Variants in PAX3 observed in about 807,000 individuals in gnomAD.
PAX3 encodes the protein paired box 3.
Under a neutral mutation model 51.6 loss-of-function variants are expected in PAX3, and 14 were observed. The observed-to-expected ratio is 0.27, with a 90% confidence interval of 0.18 to 0.42. PAX3 has a LOEUF of 0.42. Among genes scored for constraint, PAX3 ranks in the 10% least tolerant of loss-of-function variants. The pLI, the probability that PAX3 is intolerant of heterozygous loss-of-function variation, is 1.00. For synonymous variants in PAX3, 280 were observed against 253.4 expected (o/e 1.11, Z -1.00); for missense variants, 540 against 642.8 (o/e 0.84, Z 1.73).
chr2:222,226,222 G>A (rs867007984), intron 5 of PAX3, among the ~76,000 whole-genome samples: 2 of 152,184 alleles, frequency 1.3e-5, no homozygotes, highest in African/African-American at 2.4e-5. Flanking sequence ...TCAGGATGTC[G>A]AATGCTGACA....
At chr2:222,264,795 T>A (rs1693985225) in intron 4 of PAX3, 1 of 152,236 alleles carries the variant, frequency 6.6e-6, no homozygotes, top group African/African-American at 2.4e-5. Context: ...CTCGCAGCTT[T>A]TGCCTTTGAA....
intron 4 of PAX3, among the ~76,000 whole-genome samples, chr2:222,236,583 A>C (rs1208775395): frequency 6.6e-6 from 1 of 152,230 alleles, no homozygotes; most frequent in Non-Finnish European, 1.5e-5. Flanking sequence ...GCTTTCTTTC[A>C]GGAAGCTTAA....
At chr2:222,212,471 C>T (rs1047840251) in intron 7 of PAX3, among the ~76,000 whole-genome samples, 3 of 152,142 alleles carry the variant, frequency 2.0e-5, no homozygotes, top group African/African-American at 7.2e-5. Flanking sequence ...CATTGATCAG[C>T]AGAGGTGCAA....
Position 222,289,300 on chromosome 2 carries a change from T to C in PAX3, c.586+4867A>G, listed in dbSNP as rs1301583499. Among the ~76,000 whole-genome samples the C allele has an allele frequency of 4.6e-5, 7 of 152,232 alleles. No individual in the cohort carries two copies. In the East Asian group the frequency reaches 1.3e-3, roughly 29 times the overall value. On this transcript the variant is annotated intron_variant, in intron 4 of 8. Transcript: ENST00000392070. ...CTTTTCATTTTCATTGGCCATCTACTTATGTACAACTTAAACATTTAGTCT... is the reference window on the plus strand; with the variant it reads ...CTTTTCATTTTCATTGGCCATCTACCTATGTACAACTTAAACATTTAGTCT...
intron 5 of PAX3, among the ~76,000 whole-genome samples, chr2:222,228,551 A>T (rs183305753): frequency 1.3e-5 from 2 of 152,278 alleles, no homozygotes; most frequent in East Asian, 3.9e-4. Context: ...AACACTCCTC[A>T]GTTTTCCATC....
At chr2:222,227,976 T>TG (rs777578766) in intron 5 of PAX3, among the ~76,000 whole-genome samples, 31 of 152,240 alleles carry the variant, frequency 2.0e-4, no homozygotes, top group South Asian at 1.0e-3. Context: ...ATTTGGGGTT[T>TG]GGGGGGTGTT....
intron 4 of PAX3, among the ~76,000 whole-genome samples, chr2:222,268,502 CTA>C (rs1044749102): frequency 2.3e-4 from 35 of 152,174 alleles, no homozygotes; most frequent in African/African-American, 8.2e-4. Flanking sequence ...CTCGCTGTGG[CTA>C]TGCGGTTACC....
intron 4 of PAX3, among the ~76,000 whole-genome samples, chr2:222,259,261 C>G (rs137999586): frequency 6.6e-6 from 1 of 152,176 alleles, no homozygotes; most frequent in Non-Finnish European, 1.5e-5. Flanking sequence ...CAGAACATCA[C>G]TGTTTGAATA....
chr2:222,283,659 G>C (rs1694725195), intron 4 of PAX3, among the ~76,000 whole-genome samples: 2 of 152,184 alleles, frequency 1.3e-5, no homozygotes, highest in Non-Finnish European at 2.9e-5. Context: ...GCCTTCAGGG[G>C]GCCAGGACTG....
Position 222,277,579 on chromosome 2 carries a change from G to A in PAX3, c.586+16588C>T, listed in dbSNP as rs181008729. ...CAAGCTTGTTCAACCCGTGGCTCAC[G>A]GGCCATATGCAGCCCTGGATGCTTT... On this transcript the variant is annotated intron_variant, in intron 4 of 8. Coordinates refer to ENST00000392070, the MANE Select transcript of PAX3 (RefSeq NM_181458.4). Among the ~76,000 whole-genome samples the A allele has an allele frequency of 1.9e-3, 294 of 152,208 alleles. 5 individuals carry two copies. The highest frequency in any genetic ancestry group is 2.4e-3 in the Non-Finnish European group (166 of 68,020).
At chr2:222,253,989 A>G (rs1004326148) in intron 4 of PAX3, among the ~76,000 whole-genome samples, 13 of 152,266 alleles carry the variant, frequency 8.5e-5, no homozygotes, top group African/African-American at 1.2e-4. Flanking sequence ...TTAAATTTAC[A>G]TTCATTTATT....
intron 4 of PAX3, among the ~76,000 whole-genome samples, chr2:222,274,689 G>A (rs1342155922): frequency 1.3e-5 from 2 of 151,610 alleles, no homozygotes; most frequent in African/African-American, 4.9e-5. Context: ...ACTCTTCTTC[G>A]AACCTCAACT....
At chr2:222,268,202 G>C (rs1694119316) in intron 4 of PAX3, among the ~76,000 whole-genome samples, 1 of 152,166 alleles carries the variant, frequency 6.6e-6, no homozygotes, top group Admixed American at 6.5e-5. Flanking sequence ...GTCATGTTTT[G>C]CAATTACAAA....
At chr2:222,260,578 GTTTT>G (rs1345531558) in intron 4 of PAX3, among the ~76,000 whole-genome samples, 78 of 61,710 alleles carry the variant, frequency 1.3e-3, no homozygotes, top group African/African-American at 4.2e-3. Context: ...TTTTTTTTTT[GTTTT>G]TTTTTTTTGT....
chr2:222,236,588 G>A (rs775938347), intron 4 of PAX3, among the ~76,000 whole-genome samples: 8 of 152,236 alleles, frequency 5.3e-5, no homozygotes, highest in African/African-American at 4.8e-5. Context: ...CTTTCAGGAA[G>A]CTTAATAGAA....
chr2:222,232,487 T>G (rs1692634822), intron 4 of PAX3, among the ~76,000 whole-genome samples: 1 of 152,186 alleles, frequency 6.6e-6, no homozygotes, highest in Non-Finnish European at 1.5e-5. Context: ...ATGTCTTCCA[T>G]GGACACCAAG....
chr2:222,296,930 C>T (rs369668639), intron 2 of PAX3, 48 bp downstream of exon 2: 1 of 1,478,602 alleles, frequency 6.8e-7, no homozygotes. Flanking sequence ...TTCCCCAACA[C>T]AGGGGACCAC....
At chr2:222,211,530 A>G (rs572879860) in intron 7 of PAX3, among the ~76,000 whole-genome samples, 29 of 152,102 alleles carry the variant, frequency 1.9e-4, no homozygotes, top group Admixed American at 1.7e-3. Flanking sequence ...CCCTACTCTA[A>G]GTTCTTACAC....
At position 222,228,846 on chromosome 2, in the gene PAX3, G is replaced by A. The variant is rs575010114; in HGVS notation, c.792+3232C>T. On this transcript the variant is annotated intron_variant, in intron 5 of 8. Transcript: ENST00000392070. The stretch of plus-strand genomic sequence containing the variant: ...CCCAGCTACTCTGGAAGCTGAGGTG[G>A]AAGAATCACTTGAGCTTGGAAGATC... Among the ~76,000 whole-genome samples, 6 of 152,272 alleles carry A rather than the reference G, an allele frequency of 3.9e-5. No homozygotes were observed. The East Asian group carries it at 5.8e-4, about 15-fold the overall frequency.
Sources: allele counts gnomAD v4.1 joint callset (sites outside exome capture counted in the v4.1 genomes callset), GRCh38; gene constraint gnomAD v4.1.1; transcripts MANE v1.5; gene names NCBI Gene and HGNC (gene_info 2026-07-23, HGNC 2026-07-21).